The following TUBGCP6 variants were observed in gnomAD, a reference collection of about 807,000 sequenced individuals.
TUBGCP6 encodes the protein gamma-tubulin complex component 6.
Under a neutral mutation model 175.8 loss-of-function variants are expected in TUBGCP6, and 161 were observed. The ratio of observed to expected loss-of-function variants is 0.92; its 90% CI spans 0.81 to 1.04. The LOEUF is 1.04. TUBGCP6 is among the 50% of genes least tolerant of loss of function. TUBGCP6 has a pLI of 0.00. For missense variants in TUBGCP6, 2,572 were observed against 2,433.0 expected, an observed-to-expected ratio of 1.06 and a Z score of -1.20; for synonymous variants, 1,173 against 1,030.5, an observed-to-expected ratio of 1.14 and a Z score of -2.65.
In TUBGCP6 at chr22:50,219,358, C is replaced by A. The variant is rs1387539207; in HGVS notation, c.4414G>T (p.Val1472Leu). 6.3e-7 allele frequency: 1 copy of A among 1,590,132 alleles called. No homozygotes were observed. Among genetic ancestry groups the A allele is most frequent in the Non-Finnish European group, 8.5e-7 (1 of 1,169,640 alleles). Residue 1472 changes from valine to leucine, a missense_variant, in exon 19 of 25, where the codon GTG becomes TTG. By Grantham distance (32) the Val-to-Leu change is conservative. Coordinates refer to ENST00000248846, the MANE Select transcript of TUBGCP6 (RefSeq NM_020461.4). ...QVQSAADETA[V>L]QLSELLTLPV... ...AGCGTCAGCAACTCGCTCAGCTGCA[C>A]AGCAGTCTCATCAGCGGCAGACTGG...
At position 50,217,932 on chromosome 22, in the gene TUBGCP6, T is replaced by C. The variant is rs748795059; in HGVS notation, c.5354A>G (p.His1785Arg). The stretch of plus-strand genomic sequence containing the variant: ...GTGGGCCTCACCTTTGAAGAGAAAG[T>C]GGGAGTAGTACTTGAAGGTGTTGTA... ...QSYNTFKYYS[H>R]FLFKVVTKLV... Residue 1785 changes from histidine (H) to arginine (R), a missense_variant, in exon 24 of 25, where the codon CAC becomes CGC. Coordinates refer to ENST00000248846, the MANE Select transcript of TUBGCP6 (RefSeq NM_020461.4). 6 of 1,605,740 alleles carry C rather than the reference T, an allele frequency of 3.7e-6. No homozygotes were observed. The Admixed American group carries it at 5.1e-5, about 14-fold the overall frequency.
In TUBGCP6 at chr22:50,218,170, G is replaced by A. The variant is rs1411663420; in HGVS notation, c.5168+19C>T. 1 of 1,610,120 alleles carries A rather than the reference G, an allele frequency of 6.2e-7. No individual in the cohort carries two copies. The highest frequency in any genetic ancestry group is 2.2e-5 in the East Asian group (1 of 44,830). ...GCTGAGCCGTGACCACAGGGACGCAGCCGCTGCCCAGGCCTCACCTGAAGA... is the reference window on the plus strand; with the variant it reads ...GCTGAGCCGTGACCACAGGGACGCAACCGCTGCCCAGGCCTCACCTGAAGA... On this transcript the variant is annotated intron_variant, in intron 23 of 24. Coordinates refer to ENST00000248846, the MANE Select transcript of TUBGCP6 (RefSeq NM_020461.4).
At chr22:50,227,492 C>T (rs933201093) in intron 5 of TUBGCP6, among the ~76,000 whole-genome samples, 55 of 152,310 alleles carry the variant, frequency 3.6e-4, no homozygotes, top group African/African-American at 1.1e-3. Context: ...GTCTCCTCAG[C>T]GCTGCCACAC....
intron 1 of TUBGCP6, among the ~76,000 whole-genome samples, 197 bp downstream of exon 1, chr22:50,243,522 G>A (rs1294049874): frequency 6.7e-6 from 1 of 149,582 alleles, no homozygotes; most frequent in Non-Finnish European, 1.5e-5. Flanking sequence ...GGAGGCTGAG[G>A]TACGAGAATT....
rs2064440668 is a variant in TUBGCP6 at position 50,217,825 on chromosome 22, C to T, written c.5371G>A (p.Val1791Met). Reference protein sequence around the residue: ...KYYSHFLFKVVTKLVNRGYQP... With the variant: ...KYYSHFLFKVMTKLVNRGYQP... ...TAGCCGCGGTTCACCAGCTTGGTCA[C>T]CACTGGGGACCAGCGAGCAGCTCAG... Residue 1791 changes from valine (V) to methionine (M), a missense_variant and splice_region_variant, in exon 25 of 25, where the codon GTG becomes ATG. Coordinates refer to ENST00000248846, the MANE Select transcript of TUBGCP6 (RefSeq NM_020461.4). 1.9e-6 allele frequency: 3 copies of T among 1,613,690 alleles called. No homozygotes were observed. Among genetic ancestry groups the T allele is most frequent in the Non-Finnish European group, 8.5e-7 (1 of 1,179,928 alleles).
chr22:50,226,987 C>A lies in TUBGCP6; in HGVS notation c.1491+12G>T. 1 of 1,610,310 alleles carries A rather than the reference C, an allele frequency of 6.2e-7. No homozygotes were observed. Among genetic ancestry groups the A allele is most frequent in the Non-Finnish European group, 8.5e-7 (1 of 1,178,746 alleles). On this transcript the variant is annotated intron_variant, in intron 6 of 24. Transcript: ENST00000248846. The stretch of plus-strand genomic sequence containing the variant: ...ACCAGGCTGACACACTCGGCAGGGA[C>A]GCACAACTCACGGTGGGAAACGCGG...
chr22:50,218,771 T>C lies in TUBGCP6; in HGVS notation c.4753A>G (p.Lys1585Glu), dbSNP rs746996997. ...PHASNLSLAL[K>E]YLPEVFAPNA... Reference sequence around the variant, plus strand: ...GGGGCAAACACCTCGGGCAGGTACTTGAGAGCGAGGGAGAGGTTGGAGGCG... The same window carrying C: ...GGGGCAAACACCTCGGGCAGGTACTCGAGAGCGAGGGAGAGGTTGGAGGCG... The change falls in exon 21 of 25, where the codon AAG (lysine) becomes GAG (glutamate). Residue 1585 changes from lysine to glutamate, a missense_variant. Transcript: ENST00000248846. 1.2e-6 allele frequency: 2 copies of C among 1,613,958 alleles called. No homozygotes were observed. The highest frequency in any genetic ancestry group is 1.7e-6 in the Non-Finnish European group (2 of 1,179,958).
rs750507390 is a variant in TUBGCP6, at chr22:50,218,893, C to A, written c.4631G>T (p.Gly1544Val). The A allele has an allele frequency of 5.0e-6, 8 of 1,608,774 alleles. No individual in the cohort carries two copies. Among genetic ancestry groups the A allele is most frequent in the Admixed American group, 3.3e-5 (2 of 59,726 alleles). ...CAGCTCTCCGGGCGTTTGCCCAGCTCCAAGCTAGGCAGAAAAGGGACCACC... is the reference window on the plus strand; with the variant it reads ...CAGCTCTCCGGGCGTTTGCCCAGCTACAAGCTAGGCAGAAAAGGGACCACC... ...SLSDLLFEKL[G>V]AGQTPGELLN... The change falls in exon 21 of 25, where the codon GGA becomes GTA. Residue 1544 changes from glycine to valine, a missense_variant. Gly to Val is a moderately radical substitution (Grantham distance 109). Transcript: ENST00000248846.
rs757971501 is a variant in TUBGCP6 at position 50,219,110 on chromosome 22, G to A, written c.4584C>T (p.Asp1528=). The A allele has an allele frequency of 7.3e-5, 117 of 1,612,886 alleles. 1 individual carries two copies. In the East Asian group the frequency reaches 1.7e-3, roughly 23 times the overall value. The change falls in exon 20 of 25, where the codon GAC becomes GAT. Residue 1528 remains aspartate, a synonymous_variant. Transcript: ENST00000248846. The part of the protein sequence containing the change: ...EALRHFLLME[D]GEFAQSLSDL... The stretch of plus-strand genomic sequence containing the variant: ...CGCTGAGGGACTGGGCGAACTCGCC[G>A]TCCTCCATCAGCAGGAAGTGCCGCA...
chr22:50,241,738 T>C (rs916045567), intron 1 of TUBGCP6, among the ~76,000 whole-genome samples: 1 of 152,202 alleles, frequency 6.6e-6, no homozygotes, highest in African/African-American at 2.4e-5. Context: ...TGACCTTACC[T>C]ATCATTGGAG....
Position 50,219,636 on chromosome 22 carries a change from G to T in TUBGCP6, c.4315+8C>A. Reference sequence around the variant, plus strand: ...GGGCTCCCTGCCAACAGCAACTGCTGCACTCACACATGGACTCGTAACTGT... The same window carrying T: ...GGGCTCCCTGCCAACAGCAACTGCTTCACTCACACATGGACTCGTAACTGT... On this transcript the variant is annotated splice_region_variant and intron_variant, in intron 18 of 24. Transcript: ENST00000248846. 1 of 1,612,566 alleles carries T rather than the reference G, an allele frequency of 6.2e-7. No homozygotes were observed. The highest frequency in any genetic ancestry group is 1.1e-5 in the South Asian group (1 of 91,060).
chr22:50,235,941 G>GA (rs542229305), intron 2 of TUBGCP6, among the ~76,000 whole-genome samples: 19,357 of 124,112 alleles, frequency 0.16, 1,450 homozygotes, highest in South Asian at 0.29. Context: ...CTCCATCTCG[G>GA]AAAAAAAAAA....
Position 50,218,685 on chromosome 22 carries a change from G to A in TUBGCP6, c.4821+18C>T, listed in dbSNP as rs2064460962. ...GCAGGCCCCTGTCCCATCCCCCGCG[G>A]CCAGGGCTGCTGCTGACCTTGTACC... On this transcript the variant is annotated intron_variant, in intron 21 of 24. Coordinates refer to ENST00000248846, the MANE Select transcript of TUBGCP6 (RefSeq NM_020461.4). 16 of 1,613,402 alleles carry A rather than the reference G, an allele frequency of 9.9e-6. No homozygotes were observed. The highest frequency in any genetic ancestry group is 1.3e-5 in the African/African-American group (1 of 75,050).
In TUBGCP6 at chr22:50,228,454, C is replaced by G. The variant is rs146677178; in HGVS notation, c.1291-426G>C. 2.8e-3 allele frequency among the ~76,000 whole-genome samples: 422 copies of G among 152,256 alleles called. 3 individuals are homozygous for G. Among genetic ancestry groups the G allele is most frequent in the Non-Finnish European group, 5.3e-3 (361 of 67,998 alleles). ...TAGTGCTGTGAGGGCTGCAGCTGCT[C>G]CGACCACAGCTGTCTCAGTGGCACC... is the stretch of plus-strand genomic sequence containing the variant. On this transcript the variant is annotated intron_variant, in intron 4 of 24. Transcript: ENST00000248846.
At position 50,221,242 on chromosome 22, in the gene TUBGCP6, G is replaced by A. The variant is rs749947252; in HGVS notation, c.3117C>T (p.Tyr1039=). The change falls in exon 16 of 25, where the codon TAC becomes TAT. Residue 1039 remains tyrosine, a synonymous_variant. Transcript: ENST00000248846. ...VSGGGLPTGD[Y]ASEIAPTRPR... Reference sequence around the variant, plus strand: ...GCCGGGTGGGAGCTATTTCAGAAGCGTAGTCCCCTGTGGGAAGACCACCCC... The same window carrying A: ...GCCGGGTGGGAGCTATTTCAGAAGCATAGTCCCCTGTGGGAAGACCACCCC... 2.4e-5 allele frequency: 38 copies of A among 1,614,106 alleles called. 1 individual carries two copies. The highest frequency in any genetic ancestry group is 1.2e-4 in the South Asian group (11 of 91,090).
At chr22:50,242,443 G>A (rs1017271400) in intron 1 of TUBGCP6, among the ~76,000 whole-genome samples, 2 of 152,152 alleles carry the variant, frequency 1.3e-5, no homozygotes, top group African/African-American at 4.8e-5. Flanking sequence ...GTTGCAGTGA[G>A]CCGAGACCAC....
Position 50,244,200 on chromosome 22 carries a change from T to C in TUBGCP6, c.260A>G (p.Asp87Gly). 1 of 1,613,292 alleles carries C rather than the reference T, an allele frequency of 6.2e-7. No individual in the cohort carries two copies. Among genetic ancestry groups the C allele is most frequent in the Non-Finnish European group, 8.5e-7 (1 of 1,180,036 alleles). ...CTCCTCCACAAGCTCCTCCAAACGG[T>C]CGGCCTTGGGGCCCAGGCCACCCAC... ...LRVGGLGPKA[D>G]RLEELVEELE... The change falls in exon 1 of 25, where the codon GAC becomes GGC. Residue 87 changes from aspartate (D) to glycine (G), a missense_variant. Physicochemically the swap from Asp to Gly is moderately conservative, Grantham distance 94. Coordinates refer to ENST00000248846, the MANE Select transcript of TUBGCP6 (RefSeq NM_020461.4).
Position 50,227,011 on chromosome 22 carries a change from G to A in TUBGCP6, c.1479C>T (p.Ala493=), listed in dbSNP as rs145215576. 2.5e-5 allele frequency: 40 copies of A among 1,611,946 alleles called. No individual in the cohort carries two copies. The highest frequency in any genetic ancestry group is 8.9e-5 in the East Asian group (4 of 44,834). Residue 493 remains alanine, a synonymous_variant, in exon 6 of 25, where the codon GCC becomes GCT. Coordinates refer to ENST00000248846, the MANE Select transcript of TUBGCP6 (RefSeq NM_020461.4). ...LPGTCGGGPR[A]AFPTGVKLLS... ...ACGCACAACTCACGGTGGGAAACGC[G>A]GCCCTGGGGCCTCCTCCACAGGTGC...
chr22:50,217,766 G>A lies in TUBGCP6; in HGVS notation c.5430C>T (p.Ile1810=). The A allele has an allele frequency of 6.2e-7, 1 of 1,614,070 alleles. No individual in the cohort carries two copies. The highest frequency in any genetic ancestry group is 8.5e-7 in the Non-Finnish European group (1 of 1,179,994). ...CGTCCTGGTAGTAGTTGTTGAAGTT[G>A]ATGCGCAGCAGAAAGTCCTCCAGGT... is the stretch of plus-strand genomic sequence containing the variant. ...QPHLEDFLLR[I]NFNNYYQDA The change falls in exon 25 of 25, where the codon ATC becomes ATT. Residue 1810 remains isoleucine, a synonymous_variant. Coordinates refer to ENST00000248846, the MANE Select transcript of TUBGCP6 (RefSeq NM_020461.4).
Sources: gnomAD v4.1 joint callset for allele counts (sites outside exome capture counted in the v4.1 genomes callset) on GRCh38, gnomAD v4.1.1 for gene constraint, MANE v1.5 for transcripts, NCBI Gene and HGNC (gene_info 2026-07-23, HGNC 2026-07-21) for gene names.